Variants in MGST2 observed in about 807,000 individuals in gnomAD.
MGST2 encodes glutathione peroxidase MGST2.
Under a neutral mutation model 16.6 loss-of-function variants are expected in MGST2, and 9 were observed. The observed-to-expected ratio is 0.54, with a 90% CI of 0.33 to 0.95. The LOEUF is 0.95. MGST2 is among the 40% of genes least tolerant of loss of function. The pLI is 0.03. For synonymous variants in MGST2, 79 were observed against 68.0 expected (o/e 1.16, Z -0.79); for missense variants, 159 against 175.1 (o/e 0.91, Z 0.52).
intron 5 of MGST2, chr4:139,719,328 G>C: frequency 1.3e-6 from 2 of 1,584,584 alleles, no homozygotes; most frequent in Non-Finnish European, 1.7e-6. Context: ...CTTGATTAGG[G>C]GTTACCAAAC....
intron 2 of MGST2, among the ~76,000 whole-genome samples, chr4:139,686,243 C>T (rs1014695975): frequency 6.6e-6 from 1 of 152,074 alleles, no homozygotes; most frequent in African/African-American, 2.4e-5. Flanking sequence ...TATCTAAAGA[C>T]CTGGGATCAA....
intron 5 of MGST2, among the ~76,000 whole-genome samples, chr4:139,713,195 G>T (rs552927906): frequency 2.6e-5 from 4 of 152,284 alleles, no homozygotes; most frequent in African/African-American, 9.6e-5. Flanking sequence ...CAGCAAAGCT[G>T]TCTCAAAATG....
At chr4:139,717,106 C>T (rs1314532940) in intron 5 of MGST2, 5 of 152,394 alleles carry the variant, frequency 3.3e-5, no homozygotes, top group Non-Finnish European at 7.4e-5. Context: ...ATTGTAAAAA[C>T]TTATGTACAA....
rs70943436 is a variant in MGST2 at position 139,702,844 on chromosome 4, G to GTTTTTTTTTTTTTTTTTTTTTTTTT, written c.230-609_230-585dup. ...TCCTCACCAACATTTTGTGTTACTG[G>GTTTTTTTTTTTTTTTTTTTTTTTTT]TTTTTTTTTTTTTTTTTTTTTTTTT... is the stretch of plus-strand genomic sequence containing the variant. On this transcript the variant is annotated intron_variant, in intron 3 of 4. Transcript: ENST00000265498. 5.4e-3 allele frequency among the ~76,000 whole-genome samples: 252 copies of GTTTTTTTTTTTTTTTTTTTTTTTTT among 46,416 alleles called. 28 individuals carry two copies. The highest frequency in any genetic ancestry group is 8.0e-3 in the Non-Finnish European group (179 of 22,442). 30.5% of individuals were successfully genotyped at this position (46,416 alleles called of 152,430 possible).
intron 5 of MGST2, among the ~76,000 whole-genome samples, chr4:139,720,869 C>A (rs1728206293): frequency 6.6e-6 from 1 of 152,152 alleles, no homozygotes. Context: ...AGAATACTAT[C>A]AATAAAGACC....
rs1280149537 is a variant in MGST2 at position 139,666,051 on chromosome 4, T to A, written c.32T>A (p.Val11Asp). 7 of 1,613,866 alleles carry A rather than the reference T, an allele frequency of 4.3e-6. No individual in the cohort carries two copies. Among genetic ancestry groups the A allele is most frequent in the Non-Finnish European group, 5.9e-6 (7 of 1,180,012 alleles). Residue 11 changes from valine (V) to aspartate (D), a missense_variant, in exon 1 of 5, where the codon GTC becomes GAC. Val to Asp is a radical substitution (Grantham distance 152). Transcript: ENST00000265498. The stretch of plus-strand genomic sequence containing the variant: ...GGGAACTCGATCCTGCTGGCTGCTG[T>A]CTCTATTCTCTCGGCCTGTCAGCAA... Reference protein sequence around the residue: MAGNSILLAAVSILSACQQSY... With the variant: MAGNSILLAADSILSACQQSY...
At chr4:139,734,732 C>T (rs745603194) in intron 5 of MGST2, among the ~76,000 whole-genome samples, 2 of 152,204 alleles carry the variant, frequency 1.3e-5, no homozygotes, top group African/African-American at 2.4e-5. Context: ...TAAATCTGTG[C>T]GTAGGGAAGC....
intron 4 of MGST2, 105 bp from the exon 5 acceptor site, chr4:139,703,911 T>C (rs182499025): frequency 4.1e-6 from 6 of 1,449,220 alleles, no homozygotes; most frequent in Admixed American, 1.8e-5. Flanking sequence ...TGCAAAAATA[T>C]AGAAGTTCTG....
chr4:139,666,169 A>G, intron 1 of MGST2, 92 bp downstream of exon 1: 1 of 1,339,902 alleles, frequency 7.5e-7, no homozygotes, highest in Non-Finnish European at 1.1e-6. Flanking sequence ...AGGGAGGGAG[A>G]TGGGTCCGGT....
At chr4:139,740,619 A>C (rs997203186) in exon 6 of MGST2, 2 of 152,074 alleles carry the variant, frequency 1.3e-5, no homozygotes, top group African/African-American at 2.4e-5. Flanking sequence ...TGAAGTCATC[A>C]AAGCAAAGAT....
chr4:139,735,338 A>C lies in MGST2; in HGVS notation c.*49-4874A>C, dbSNP rs938986047. 6.6e-6 allele frequency among the ~76,000 whole-genome samples: 1 copy of C among 152,106 alleles called. No homozygotes were observed. Among genetic ancestry groups the C allele is most frequent in the African/African-American group, 2.4e-5 (1 of 41,402 alleles). On this transcript the variant is annotated intron_variant, in intron 5 of 5. Coordinates refer to the MGST2 transcript ENST00000616265. This position sits in a 1 kb window ranked among gnomAD's most constrained non-coding sequence, Gnocchi z 5.8. ...TGCCCCCCTCCTCCGACTGACACTG[A>C]ACTGGTTTCTCATTACCGACTTTTC...
intron 5 of MGST2, among the ~76,000 whole-genome samples, chr4:139,737,370 C>T (rs770290571): frequency 8.2e-5 from 7 of 85,210 alleles, no homozygotes; most frequent in Admixed American, 4.8e-4. Flanking sequence ...CTGGTGGTGG[C>T]GTCTCTGGGA....
chr4:139,751,864 T>C, the MGST2 span, among the ~76,000 whole-genome samples: 2 of 152,216 alleles, frequency 1.3e-5, no homozygotes, highest in East Asian at 3.8e-4. Context: ...TCTTATAGTG[T>C]CTGCATGTAA....
downstream of MGST2, among the ~76,000 whole-genome samples, chr4:139,704,847 G>T (rs541446846): frequency 1.4e-4 from 22 of 152,214 alleles, no homozygotes; most frequent in East Asian, 3.9e-3. Context: ...GTGTGAACCT[G>T]GGAGGCGGAG....
Position 139,704,002 on chromosome 4 carries a change from T to C in MGST2, c.312-14T>C, listed in dbSNP as rs8192112. The stretch of plus-strand genomic sequence containing the variant: ...TCCAGTTTGTCACTTTTCTCCCTCA[T>C]GTCCACTCTGCAGGATCACCGGTTT... On this transcript the variant is annotated splice_polypyrimidine_tract_variant and intron_variant, in intron 4 of 4. Transcript: ENST00000265498. The C allele has an allele frequency of 6.0e-4, 967 of 1,614,108 alleles. 7 individuals carry two copies. In the African/African-American group the frequency reaches 0.011, roughly 19 times the overall value.
At chr4:139,697,448 T>C (rs1469937436) in intron 3 of MGST2, among the ~76,000 whole-genome samples, 1 of 152,224 alleles carries the variant, frequency 6.6e-6, no homozygotes, top group Non-Finnish European at 1.5e-5. Context: ...CTTCTCCTGT[T>C]ATCTTGATAT....
intron 5 of MGST2, among the ~76,000 whole-genome samples, chr4:139,721,914 C>T (rs1339087082): frequency 6.6e-6 from 1 of 151,908 alleles, no homozygotes; most frequent in African/African-American, 2.4e-5. Flanking sequence ...GGCTGCATGG[C>T]CAATAAGATC....
chr4:139,716,328 T>C (rs1727957127), intron 5 of MGST2, among the ~76,000 whole-genome samples: 1 of 152,188 alleles, frequency 6.6e-6, no homozygotes, highest in Non-Finnish European at 1.5e-5. Flanking sequence ...TTACTGACAG[T>C]GCTCACTACA....
chr4:139,698,364 C>G, intron 3 of MGST2: 1 of 1,607,874 alleles, frequency 6.2e-7, no homozygotes, highest in South Asian at 1.1e-5. Flanking sequence ...GGGAAGTTTG[C>G]GAACCAGAAG....
Sources: gnomAD v4.1 joint callset for allele counts (sites outside exome capture counted in the v4.1 genomes callset) on GRCh38, gnomAD v4.1.1 for gene constraint, Gnocchi (gnomAD v3.1) non-coding constraint, MANE v1.5 for transcripts, NCBI Gene and HGNC (gene_info 2026-07-23, HGNC 2026-07-21) for gene names.